The following ZBTB41 variants were observed in gnomAD, a reference collection of about 807,000 sequenced individuals.
ZBTB41 encodes the protein zinc finger and BTB domain containing 41, also known as zinc finger and BTB domain-containing protein 41.
A neutral mutation model predicts 87.6 loss-of-function variants in ZBTB41; 42 were observed. That is an observed-to-expected ratio of 0.48 (90% CI 0.37 to 0.62). ZBTB41 has a LOEUF of 0.62. Ranked by LOEUF, ZBTB41 falls within the 20% of genes least tolerant of loss-of-function variation. ZBTB41 has a pLI of 0.00. For missense variants in ZBTB41, 799 were observed against 1,078.9 expected (o/e 0.74, Z 3.63); for synonymous variants, 364 against 364.0 (o/e 1.00, Z 0.00).
intron 6 of ZBTB41, among the ~76,000 whole-genome samples, chr1:197,179,890 G>A (rs961403329): frequency 1.3e-5 from 2 of 152,020 alleles, no homozygotes; most frequent in African/African-American, 4.8e-5. Flanking sequence ...AAAATCAAAA[G>A]TTTATAAAAT....
At chr1:197,188,227 CT>C in intron 5 of ZBTB41, 64 bp downstream of exon 5, 1 of 1,560,140 alleles carries the variant, frequency 6.4e-7, no homozygotes, top group Non-Finnish European at 8.7e-7. Flanking sequence ...CTATAGAAGG[CT>C]CCTCCAGCAT....
At chr1:197,194,881 G>A (rs979140958) in intron 2 of ZBTB41, among the ~76,000 whole-genome samples, 7 of 152,088 alleles carry the variant, frequency 4.6e-5, no homozygotes, top group Admixed American at 6.5e-5. Context: ...AACTTTTGAC[G>A]GAATGCTGGA....
intron 10 of ZBTB41, among the ~76,000 whole-genome samples, chr1:197,161,801 T>C (rs1375927736): frequency 6.6e-6 from 1 of 152,016 alleles, no homozygotes; most frequent in Non-Finnish European, 1.5e-5. Context: ...GTGCGTTCTA[T>C]AAATCCCTGG....
At position 197,179,939 on chromosome 1, in the gene ZBTB41, A is replaced by G. The variant is rs114937715; in HGVS notation, c.1676+1049T>C. Among the ~76,000 whole-genome samples the G allele has an allele frequency of 6.7e-3, 1,015 of 152,098 alleles. 8 individuals carry two copies. Among genetic ancestry groups the G allele is most frequent in the African/African-American group, 0.022 (919 of 41,488 alleles). On this transcript the variant is annotated intron_variant, in intron 6 of 10. Coordinates refer to ENST00000367405, the MANE Select transcript of ZBTB41 (RefSeq NM_194314.3). ...TAAGCTGCTGTTCATTTGAGGGAAAAAATTTTAATACATTTAGTGAAACCT... is the reference window on the plus strand; with the variant it reads ...TAAGCTGCTGTTCATTTGAGGGAAAGAATTTTAATACATTTAGTGAAACCT...
chr1:197,158,689 A>T lies in ZBTB41; in HGVS notation c.*670T>A, dbSNP rs1423537922. On this transcript the variant is annotated 3_prime_UTR_variant, in exon 11 of 11. Transcript: ENST00000367405. ...TTCTTATTCATAACAATTGAAGTAT[A>T]GGCAAAAACCAATTATCTGGATTAT... 1 of 152,076 alleles carries T rather than the reference A, an allele frequency of 6.6e-6. No individual in the cohort carries two copies. The allele number at this position is 152,076 out of a possible 1,614,324, so 9.4% of individuals were successfully genotyped here.
In ZBTB41 at chr1:197,200,503, T is replaced by C; in HGVS notation, c.-30A>G. 6.5e-7 allele frequency: 1 copy of C among 1,535,954 alleles called. No homozygotes were observed. The highest frequency in any genetic ancestry group is 8.7e-7 in the Non-Finnish European group (1 of 1,148,416). On this transcript the variant is annotated 5_prime_UTR_variant, in exon 2 of 11. Coordinates refer to ENST00000367405, the MANE Select transcript of ZBTB41 (RefSeq NM_194314.3). ...GTACAGCAATTTCAGAACAAGAAAC[T>C]TCATAAGTGTCTTAAGTGATTTATA... is the stretch of plus-strand genomic sequence containing the variant.
At position 197,161,231 on chromosome 1, in the gene ZBTB41, A is replaced by C. The variant is rs1659192581; in HGVS notation, c.2075-1217T>G. 2.0e-5 allele frequency among the ~76,000 whole-genome samples: 3 copies of C among 152,260 alleles called. No homozygotes were observed. In the East Asian group the frequency reaches 5.8e-4, roughly 29 times the overall value. On this transcript the variant is annotated intron_variant, in intron 10 of 10. Coordinates refer to ENST00000367405, the MANE Select transcript of ZBTB41 (RefSeq NM_194314.3). The stretch of plus-strand genomic sequence containing the variant: ...ACCACCAAATTTGTGGTGGTTTGTT[A>C]ACAGCAGCAATAGAAAACTCATATA...
intron 6 of ZBTB41, 67 bp from the exon 7 acceptor site, chr1:197,178,579 A>G: frequency 8.8e-7 from 1 of 1,135,296 alleles, no homozygotes; most frequent in Non-Finnish European, 1.2e-6. Flanking sequence ...TTTCTGGAAA[A>G]CTTACTAGAA....
intron 5 of ZBTB41, among the ~76,000 whole-genome samples, chr1:197,185,655 C>T (rs186538909): frequency 2.7e-4 from 41 of 151,176 alleles, no homozygotes; most frequent in African/African-American, 9.9e-4. Flanking sequence ...TACACATCTC[C>T]AAGAACTGTG....
intron 1 of ZBTB41, among the ~76,000 whole-genome samples, 159 bp downstream of exon 1, chr1:197,201,064 G>A (rs1256001613): frequency 6.6e-6 from 1 of 152,250 alleles, no homozygotes; most frequent in Non-Finnish European, 1.5e-5. Flanking sequence ...ACGGCCCCAG[G>A]AGGGGCGCAG....
At chr1:197,197,360 A>G (rs1660192558) in intron 2 of ZBTB41, among the ~76,000 whole-genome samples, 1 of 152,090 alleles carries the variant, frequency 6.6e-6, no homozygotes, top group Non-Finnish European at 1.5e-5. Context: ...CTAAGGTAAT[A>G]GAGATGAGAA....
In ZBTB41 at chr1:197,188,453, C is replaced by A. The variant is rs776989538; in HGVS notation, c.1399-14G>T. 1 of 1,581,048 alleles carries A rather than the reference C, an allele frequency of 6.3e-7. No homozygotes were observed. Reference sequence around the variant, plus strand: ...TTTCTTACAAATCTAAATTAAAATGCAAACAAAATGTTAAGAGAACCTGAA... The same window carrying A: ...TTTCTTACAAATCTAAATTAAAATGAAAACAAAATGTTAAGAGAACCTGAA... On this transcript the variant is annotated splice_polypyrimidine_tract_variant and intron_variant, in intron 4 of 10. Coordinates refer to ENST00000367405, the MANE Select transcript of ZBTB41 (RefSeq NM_194314.3).
intron 10 of ZBTB41, among the ~76,000 whole-genome samples, chr1:197,163,636 A>C (rs923386800): frequency 4.0e-5 from 6 of 148,468 alleles, no homozygotes; most frequent in South Asian, 2.1e-4. Context: ...CAAAATACAA[A>C]ACACACACAC....
At chr1:197,163,937 G>C (rs1659257671) in intron 10 of ZBTB41, among the ~76,000 whole-genome samples, 1 of 152,018 alleles carries the variant, frequency 6.6e-6, no homozygotes, top group Non-Finnish European at 1.5e-5. Context: ...TATGGTGCCA[G>C]CAGACTGCAT....
intron 5 of ZBTB41, among the ~76,000 whole-genome samples, chr1:197,181,994 T>C (rs938806181): frequency 2.6e-5 from 4 of 152,160 alleles, no homozygotes; most frequent in Non-Finnish European, 2.9e-5. Flanking sequence ...TATTAACTCA[T>C]TCAACAAGTA....
intron 10 of ZBTB41, among the ~76,000 whole-genome samples, chr1:197,169,229 T>C (rs1659422400): frequency 6.6e-6 from 1 of 151,916 alleles, no homozygotes; most frequent in African/African-American, 2.4e-5. Flanking sequence ...GGGCCATGAA[T>C]ATATATAAGA....
At chr1:197,181,630 A>G (rs1659750008) in intron 5 of ZBTB41, among the ~76,000 whole-genome samples, 1 of 152,196 alleles carries the variant, frequency 6.6e-6, no homozygotes. Context: ...GACAAAATAT[A>G]AGAAAGACAA....
At position 197,176,454 on chromosome 1, in the gene ZBTB41, G is replaced by A. The variant is rs1283117601; in HGVS notation, c.1879+110C>T. The A allele has an allele frequency of 1.9e-5, 14 of 744,610 alleles. No homozygotes were observed. In the East Asian group the frequency reaches 3.2e-4, roughly 17 times the overall value. The allele number at this position is 744,610 out of a possible 1,614,324, so 46.1% of individuals were successfully genotyped here. On this transcript the variant is annotated intron_variant, in intron 8 of 10. Coordinates refer to ENST00000367405, the MANE Select transcript of ZBTB41 (RefSeq NM_194314.3). Reference sequence around the variant, plus strand: ...AACCAGAATTACAAAGAAGTGATGAGCATAAACCAAATTATTAAACTTATA... The same window carrying A: ...AACCAGAATTACAAAGAAGTGATGAACATAAACCAAATTATTAAACTTATA...
rs577928695 is a variant in ZBTB41 at position 197,200,033 on chromosome 1, T to A, written c.441A>T (p.Glu147Asp). 1.2e-6 allele frequency: 2 copies of A among 1,613,072 alleles called. No homozygotes were observed. The highest frequency in any genetic ancestry group is 1.3e-5 in the African/African-American group (1 of 74,936). The change falls in exon 2 of 11, where the codon GAA becomes GAT. Residue 147 changes from glutamate (E) to aspartate (D), a missense_variant. Glu to Asp is a conservative substitution (Grantham distance 45). Coordinates refer to ENST00000367405, the MANE Select transcript of ZBTB41 (RefSeq NM_194314.3). ...GTATTTCATATTTGTACACAAAAAA[T>A]TCTGATGTGTAAAGAAATTCAAGCA... The part of the protein sequence containing the change: ...QHLLEFLYTS[E>D]FFVYKYEIPL...
Sources: allele counts gnomAD v4.1 joint callset (sites outside exome capture counted in the v4.1 genomes callset), GRCh38; gene constraint gnomAD v4.1.1; transcripts MANE v1.5; gene names NCBI Gene and HGNC (gene_info 2026-07-23, HGNC 2026-07-21).